Variants in ATP4B observed in about 807,000 individuals in gnomAD.
ATP4B encodes the protein potassium-transporting ATPase subunit beta.
In ATP4B, 27 loss-of-function variants were observed where a neutral mutation model predicts 35.3. That is an observed-to-expected ratio of 0.76 (90% CI 0.56 to 1.05). ATP4B has a LOEUF of 1.05. Among genes scored for constraint, ATP4B ranks in the 50% least tolerant of loss-of-function variants. The pLI is 0.00. For missense variants in ATP4B, 375 were observed against 384.8 expected (o/e 0.97, Z 0.21); for synonymous variants, 162 against 156.0 (o/e 1.04, Z -0.29).
chr13:113,656,639 C>T (rs1692150248), intron 1 of ATP4B, among the ~76,000 whole-genome samples: 1 of 152,204 alleles, frequency 6.6e-6, no homozygotes, highest in Non-Finnish European at 1.5e-5. Flanking sequence ...CTCTCCTGCA[C>T]CTGCACCCGT....
At position 113,650,219 on chromosome 13, in the gene ATP4B, G is replaced by A. The variant is rs1241997633; in HGVS notation, c.714+187C>T. Among the ~76,000 whole-genome samples the A allele has an allele frequency of 6.6e-6, 1 of 152,096 alleles. No homozygotes were observed. Among genetic ancestry groups the A allele is most frequent in the Non-Finnish European group, 1.5e-5 (1 of 68,030 alleles). ...TTAGAGTTGTATTTTCATGTTGCGT[G>A]AGAGGAATGTTTCCAGGTAGATACA... is the stretch of plus-strand genomic sequence containing the variant. On this transcript the variant is annotated intron_variant, in intron 6 of 6. Transcript: ENST00000335288. The surrounding 1 kb of genome is among the most constrained non-coding windows in gnomAD (Gnocchi z 5.0).
chr13:113,652,286 G>C (rs1358411631), intron 4 of ATP4B, among the ~76,000 whole-genome samples: 2 of 152,210 alleles, frequency 1.3e-5, no homozygotes, highest in East Asian at 3.9e-4. Flanking sequence ...CTGAGACCCT[G>C]GCTGACGGGG....
At position 113,650,335 on chromosome 13, in the gene ATP4B, T is replaced by C; in HGVS notation, c.714+71A>G. On this transcript the variant is annotated intron_variant, in intron 6 of 6. Coordinates refer to ENST00000335288, the MANE Select transcript of ATP4B (RefSeq NM_000705.4). This position sits in a 1 kb window ranked among gnomAD's most constrained non-coding sequence, Gnocchi z 5.0. ...CATTTTTCTACATGAAGGGGCTTAT[T>C]GCTTTCCTTTCGCTAAGTGTGAGAG... The C allele has an allele frequency of 7.0e-7, 1 of 1,428,578 alleles. No homozygotes were observed. The highest frequency in any genetic ancestry group is 1.2e-5 in the South Asian group (1 of 85,988). The allele number at this position is 1,428,578 out of a possible 1,614,324, so 88.5% of individuals were successfully genotyped here. A position where few individuals can be genotyped will look rare whatever the true frequency, so the allele number is the denominator to read the frequency against.
chr13:113,655,016 G>T (rs183484653), intron 1 of ATP4B, 74 bp from the exon 2 acceptor site: 4 of 1,577,874 alleles, frequency 2.5e-6, no homozygotes, highest in South Asian at 2.4e-5. Flanking sequence ...CCTTGAGCGC[G>T]TCCGTGATGT....
At chr13:113,656,667 T>C (rs1158227159) in intron 1 of ATP4B, among the ~76,000 whole-genome samples, 1 of 152,214 alleles carries the variant, frequency 6.6e-6, no homozygotes, top group Non-Finnish European at 1.5e-5. Flanking sequence ...TTAGTAAGAA[T>C]AACGTGTCCT....
At chr13:113,657,385 C>T (rs71449027) in intron 1 of ATP4B, among the ~76,000 whole-genome samples, 7,467 of 152,332 alleles carry the variant, frequency 0.049, 302 homozygotes, top group Non-Finnish European at 0.062. Flanking sequence ...TTTCCCGGAA[C>T]GGGTGTGGCA....
chr13:113,655,314 C>T (rs535110174), intron 1 of ATP4B, among the ~76,000 whole-genome samples: 4 of 152,180 alleles, frequency 2.6e-5, no homozygotes, highest in African/African-American at 4.8e-5. Context: ...TATGGTTCCC[C>T]CATCACAGGA....
Position 113,650,389 on chromosome 13 carries a change from G to A in ATP4B, c.714+17C>T. ...TCAGCAGCTGTGGTGAGGGAAGCGT[G>A]GAAGGAAGGAACCTACCTGGGCTTT... On this transcript the variant is annotated intron_variant, in intron 6 of 6. Coordinates refer to ENST00000335288, the MANE Select transcript of ATP4B (RefSeq NM_000705.4). This position sits in a 1 kb window ranked among gnomAD's most constrained non-coding sequence, Gnocchi z 5.0. 6.2e-7 allele frequency: 1 copy of A among 1,609,404 alleles called. No homozygotes were observed. The highest frequency in any genetic ancestry group is 8.5e-7 in the Non-Finnish European group (1 of 1,175,888).
chr13:113,658,154 C>T lies in ATP4B; in HGVS notation c.-10G>A, dbSNP rs760000869. The T allele has an allele frequency of 1.2e-6, 2 of 1,608,930 alleles. No homozygotes were observed. The highest frequency in any genetic ancestry group is 2.2e-5 in the South Asian group (2 of 90,210). ...CCTGCAGAGCCGCCATCGTCCCTGG[C>T]CTGAGATCCTCCCGTCTGCTCCCTG... On this transcript the variant is annotated 5_prime_UTR_variant, in exon 1 of 7. Transcript: ENST00000335288.
Position 113,649,987 on chromosome 13 carries a change from A to T in ATP4B, c.714+419T>A, listed in dbSNP as rs1001010245. The stretch of plus-strand genomic sequence containing the variant: ...AGACCACCCTGGGCAACATACTGAG[A>T]CCCTTTCTCTATAAAAAATACGAAA... On this transcript the variant is annotated intron_variant, in intron 6 of 6. Coordinates refer to ENST00000335288, the MANE Select transcript of ATP4B (RefSeq NM_000705.4). This position sits in a 1 kb window ranked among gnomAD's most constrained non-coding sequence, Gnocchi z 4.7. 2.6e-5 allele frequency among the ~76,000 whole-genome samples: 4 copies of T among 151,828 alleles called. No individual in the cohort carries two copies. Among genetic ancestry groups the T allele is most frequent in the Non-Finnish European group, 4.4e-5 (3 of 67,966 alleles).
In ATP4B at chr13:113,658,063, G is replaced by A; in HGVS notation, c.82C>T (p.Gln28Ter). 6.2e-7 allele frequency: 1 copy of A among 1,609,492 alleles called. No homozygotes were observed. The highest frequency in any genetic ancestry group is 8.5e-7 in the Non-Finnish European group (1 of 1,178,630). The change falls in exon 1 of 7, where the codon CAG (glutamine) becomes TAG (stop). Residue 28 changes from glutamine (Q) to a stop codon, truncating the protein, a stop_gained. Coordinates refer to ENST00000335288, the MANE Select transcript of ATP4B (RefSeq NM_000705.4). LOFTEE classifies it high-confidence loss of function. ...QRYCWNPDTG[Q>*]MLGRTLSRWV... Reference sequence around the variant, plus strand: ...CGGGACAGGGTGCGGCCCAGCATCTGCCCCGTGTCCGGGTTCCAGCAGTAA... The same window carrying A: ...CGGGACAGGGTGCGGCCCAGCATCTACCCCGTGTCCGGGTTCCAGCAGTAA...
intron 4 of ATP4B, chr13:113,652,589 G>T (rs2049720585): frequency 4.1e-6 from 2 of 489,758 alleles, no homozygotes; most frequent in South Asian, 2.0e-5. Context: ...ATCTCTGGCT[G>T]CCCTGAAGGG....
At chr13:113,657,859 C>T (rs971262111) in intron 1 of ATP4B, among the ~76,000 whole-genome samples, 174 bp downstream of exon 1, 2 of 152,194 alleles carry the variant, frequency 1.3e-5, no homozygotes, top group African/African-American at 4.8e-5. Context: ...TGGGGACCCT[C>T]GCTTTCCCTG....
chr13:113,656,852 A>C (rs976286486), intron 1 of ATP4B, among the ~76,000 whole-genome samples: 5 of 152,052 alleles, frequency 3.3e-5, no homozygotes, highest in Non-Finnish European at 7.4e-5. Flanking sequence ...AGAATGGCCC[A>C]AAAGATGGGG....
Position 113,649,538 on chromosome 13 carries a change from G to A in ATP4B, c.715-3C>T. ...ACCAGGGGGTTGCTGTAGTGGGGCTGAAGTGGGAGTGAGGAAAGGACAGGT... is the reference window on the plus strand; with the variant it reads ...ACCAGGGGGTTGCTGTAGTGGGGCTAAAGTGGGAGTGAGGAAAGGACAGGT... On this transcript the variant is annotated splice_region_variant and splice_polypyrimidine_tract_variant and intron_variant, in intron 6 of 6. Transcript: ENST00000335288. The surrounding 1 kb of genome is among the most constrained non-coding windows in gnomAD (Gnocchi z 4.7). The A allele has an allele frequency of 6.6e-7, 1 of 1,511,262 alleles. No homozygotes were observed. The highest frequency in any genetic ancestry group is 1.4e-5 in the African/African-American group (1 of 71,314). The allele number at this position is 1,511,262 out of a possible 1,614,324, so 93.6% of individuals were successfully genotyped here.
At chr13:113,655,471 G>A (rs973319729) in intron 1 of ATP4B, among the ~76,000 whole-genome samples, 2 of 152,172 alleles carry the variant, frequency 1.3e-5, no homozygotes, top group Non-Finnish European at 2.9e-5. Flanking sequence ...TCAGAAGCAA[G>A]GGTGTCCATA....
At chr13:113,652,659 A>G (rs775627774) in intron 4 of ATP4B, 12 of 663,858 alleles carry the variant, frequency 1.8e-5, no homozygotes, top group Non-Finnish European at 3.3e-5. Context: ...AGGGCCGGCT[A>G]TGTGCTGGTG....
At position 113,650,507 on chromosome 13, in the gene ATP4B, C is replaced by G; in HGVS notation, c.613G>C (p.Asp205His). ...GGCTGGCCGAGCTCGCGGGGCTGGT[C>G]CTGGGGAGGAGAGGCCACTGCCTGA... ...SAPRVDCAFL[D>H]QPRELGQPLQ... Residue 205 changes from aspartate (D) to histidine (H), a missense_variant and splice_region_variant, in exon 6 of 7, where the codon GAC becomes CAC. Asp to His is a moderately conservative substitution (Grantham distance 81). Transcript: ENST00000335288. The surrounding 1 kb of genome is among the most constrained non-coding windows in gnomAD (Gnocchi z 5.0). The G allele has an allele frequency of 1.2e-6, 2 of 1,610,006 alleles. No homozygotes were observed. The highest frequency in any genetic ancestry group is 8.5e-7 in the Non-Finnish European group (1 of 1,178,010).
chr13:113,653,195 G>A (rs774388322), intron 3 of ATP4B, 123 bp from the exon 4 acceptor site: 1 of 1,404,850 alleles, frequency 7.1e-7, no homozygotes, highest in Non-Finnish European at 9.7e-7. Context: ...CGAAGCTGTG[G>A]AGCCGTTTCA....
Sources: allele counts gnomAD v4.1 joint callset (sites outside exome capture counted in the v4.1 genomes callset), GRCh38; gene constraint gnomAD v4.1.1; non-coding constraint Gnocchi (gnomAD v3.1); transcripts MANE v1.5; gene names NCBI Gene and HGNC (gene_info 2026-07-23, HGNC 2026-07-21).